HAT1: variants seen among roughly 807,000 people sequenced by gnomAD.
HAT1 encodes histone acetyltransferase 1.
A neutral mutation model predicts 56.6 loss-of-function variants in HAT1; 20 were observed. The ratio of observed to expected loss-of-function variants is 0.35; its 90% CI spans 0.25 to 0.51. HAT1 has a LOEUF of 0.51. Among genes scored for constraint, HAT1 ranks in the 20% least tolerant of loss-of-function variants. The probability of loss-of-function intolerance (pLI) is 0.95; values close to 1 mark genes in which losing one functional copy is unlikely to be tolerated. For missense variants in HAT1, 408 were observed against 504.3 expected, an observed-to-expected ratio of 0.81 and a Z score of 1.83; for synonymous variants, 146 against 165.5, an observed-to-expected ratio of 0.88 and a Z score of 0.91.
chr2:171,942,208 A>T (rs1687035527), intron 2 of HAT1, among the ~76,000 whole-genome samples: 1 of 152,196 alleles, frequency 6.6e-6, no homozygotes, highest in Non-Finnish European at 1.5e-5. Flanking sequence ...CCCAGCTGCA[A>T]CATAGGTTTT....
intron 2 of HAT1, 115 bp downstream of exon 2, chr2:171,925,756 G>T: frequency 2.3e-5 from 13 of 558,324 alleles, no homozygotes; most frequent in South Asian, 9.8e-5. Context: ...GCAAATGTAT[G>T]GTTTTCTGCA....
chr2:171,955,970 G>C (rs534919493), intron 4 of HAT1, among the ~76,000 whole-genome samples: 1 of 152,002 alleles, frequency 6.6e-6, no homozygotes, highest in African/African-American at 2.4e-5. Context: ...ACCGGAACCC[G>C]GTAGGCGGAG....
chr2:171,927,367 T>A (rs914435923), intron 2 of HAT1, among the ~76,000 whole-genome samples: 1 of 152,234 alleles, frequency 6.6e-6, no homozygotes, highest in Middle Eastern at 3.2e-3. Context: ...GTAAAGTGTT[T>A]AAACTCCTTG....
chr2:171,983,293 A>G lies in HAT1; in HGVS notation c.1201A>G (p.Ser401Gly). Residue 401 changes from serine to glycine, a missense_variant, in exon 11 of 11, where the codon AGT becomes GGT. By Grantham distance (56) the Ser-to-Gly change is moderately conservative. Transcript: ENST00000264108. ...CATGCAACATGAACAGCTGGAAGAG[A>G]GTTTTCAGGAACTAGTGGAAGATTA... ...ISMQHEQLEESFQELVEDYRR... is the reference protein window; with the variant it reads ...ISMQHEQLEEGFQELVEDYRR... The G allele has an allele frequency of 6.2e-7, 1 of 1,608,316 alleles. No homozygotes were observed. The highest frequency in any genetic ancestry group is 8.5e-7 in the Non-Finnish European group (1 of 1,175,786).
intron 4 of HAT1, among the ~76,000 whole-genome samples, chr2:171,957,623 T>C (rs1429789125): frequency 6.6e-6 from 1 of 152,284 alleles, no homozygotes; most frequent in East Asian, 1.9e-4. Context: ...AATGTTTGGA[T>C]AGAATGAATG....
At chr2:171,948,113 GTTGAACCAT>G (rs1322838584) in intron 3 of HAT1, among the ~76,000 whole-genome samples, 1 of 152,126 alleles carries the variant, frequency 6.6e-6, no homozygotes, top group Non-Finnish European at 1.5e-5. Context: ...TCTCCTTGTT[GTTGAACCAT>G]TTGAGAGTAG....
At chr2:171,933,568 A>G (rs962241190) in intron 2 of HAT1, among the ~76,000 whole-genome samples, 8 of 151,918 alleles carry the variant, frequency 5.3e-5, no homozygotes, top group African/African-American at 1.9e-4. Flanking sequence ...AAATATTGAT[A>G]TAGTTGCATC....
chr2:171,925,180 C>A (rs12468218), intron 1 of HAT1, among the ~76,000 whole-genome samples: 1 of 148,458 alleles, frequency 6.7e-6, no homozygotes, highest in African/African-American at 2.5e-5. Context: ...TCAAGAGATT[C>A]TCCTGCCTCA....
intron 2 of HAT1, among the ~76,000 whole-genome samples, chr2:171,926,520 C>G (rs1311047316): frequency 6.6e-6 from 1 of 151,798 alleles, no homozygotes; most frequent in East Asian, 1.9e-4. Context: ...CTTGAACTCC[C>G]AACCTCTGGT....
chr2:171,981,055 A>C (rs545170709), intron 10 of HAT1, among the ~76,000 whole-genome samples: 191 of 151,996 alleles, frequency 1.3e-3, no homozygotes, highest in Middle Eastern at 3.4e-3. Context: ...CTGTAATCCC[A>C]GCTTCTCCGG....
chr2:171,956,539 C>G (rs76492204), intron 4 of HAT1, among the ~76,000 whole-genome samples: 149,742 of 152,324 alleles, frequency 0.98, 73,668 homozygotes, highest in Middle Eastern at 1. Flanking sequence ...AACAAAAGAA[C>G]TGCCTCTGGT....
intron 1 of HAT1, among the ~76,000 whole-genome samples, chr2:171,925,283 G>T (rs530493469): frequency 6.6e-6 from 1 of 151,976 alleles, no homozygotes; most frequent in South Asian, 2.1e-4. Context: ...TCTTGGCGAG[G>T]CTGACCTCGA....
intron 8 of HAT1, among the ~76,000 whole-genome samples, chr2:171,970,742 A>G (rs1029906816): frequency 1.3e-5 from 2 of 148,534 alleles, no homozygotes; most frequent in African/African-American, 4.9e-5. Flanking sequence ...CTGGTCTCGA[A>G]CTCCTAACCT....
At chr2:171,973,934 C>T (rs1022232396) in intron 8 of HAT1, among the ~76,000 whole-genome samples, 1 of 151,974 alleles carries the variant, frequency 6.6e-6, no homozygotes, top group Non-Finnish European at 1.5e-5. Context: ...AATCCCAGCA[C>T]ATTGGGAGGC....
intron 2 of HAT1, among the ~76,000 whole-genome samples, chr2:171,942,238 T>C (rs1574042793): frequency 6.6e-6 from 1 of 152,336 alleles, no homozygotes; most frequent in East Asian, 1.9e-4. Flanking sequence ...TTTTGAATTG[T>C]TTCAGTTTTT....
rs1284328195 is a variant in HAT1, at chr2:171,955,366, A to C, written c.309+2365A>C. 2.6e-5 allele frequency among the ~76,000 whole-genome samples: 4 copies of C among 152,076 alleles called. No individual in the cohort carries two copies. In the East Asian group the frequency reaches 7.7e-4, roughly 29 times the overall value. On this transcript the variant is annotated intron_variant, in intron 4 of 10. Coordinates refer to ENST00000264108, the MANE Select transcript of HAT1 (RefSeq NM_003642.4). ...GTGGCTCATGCCTGTAATCCCAGCAATTTAGAAGGCCAAGGCGGGAGGATC... is the reference window on the plus strand; with the variant it reads ...GTGGCTCATGCCTGTAATCCCAGCACTTTAGAAGGCCAAGGCGGGAGGATC...
At chr2:171,931,227 C>T (rs553471088) in intron 2 of HAT1, among the ~76,000 whole-genome samples, 1 of 151,218 alleles carries the variant, frequency 6.6e-6, no homozygotes, top group South Asian at 2.1e-4. Context: ...CCCATCTCTA[C>T]AAAAAATACA....
At chr2:171,950,706 G>A (rs139630591) in intron 3 of HAT1, among the ~76,000 whole-genome samples, 181 of 151,670 alleles carry the variant, frequency 1.2e-3, no homozygotes, top group African/African-American at 4.2e-3. Flanking sequence ...GTTTCACCCT[G>A]TTGGCCAGGC....
chr2:171,959,897 G>A (rs1325838806), intron 4 of HAT1, among the ~76,000 whole-genome samples: 1 of 152,178 alleles, frequency 6.6e-6, no homozygotes, highest in East Asian at 1.9e-4. Context: ...TGAGGGTAAA[G>A]CTTACTAAGA....
Sources: allele counts gnomAD v4.1 joint callset (sites outside exome capture counted in the v4.1 genomes callset), GRCh38; gene constraint gnomAD v4.1.1; transcripts MANE v1.5; gene names NCBI Gene and HGNC (gene_info 2026-07-23, HGNC 2026-07-21).